KLHL8: variants seen among roughly 807,000 people sequenced by gnomAD.
KLHL8 encodes the protein kelch like family member 8, also known as kelch-like protein 8.
Under a neutral mutation model 63.5 loss-of-function variants are expected in KLHL8, and 38 were observed. The ratio of observed to expected loss-of-function variants is 0.60; its 90% CI spans 0.46 to 0.78. KLHL8 has a LOEUF of 0.78. KLHL8 is among the 30% of genes least tolerant of loss of function. KLHL8 has a pLI of 0.00. For missense variants in KLHL8, 566 were observed against 752.4 expected, an observed-to-expected ratio of 0.75 and a Z score of 2.90; for synonymous variants, 224 against 254.3, an observed-to-expected ratio of 0.88 and a Z score of 1.13.
upstream of KLHL8, among the ~76,000 whole-genome samples, chr4:87,221,920 TG>T (rs1204462498): frequency 1.3e-5 from 2 of 152,098 alleles, no homozygotes; most frequent in Admixed American, 1.3e-4. Flanking sequence ...AGTCATAAAA[TG>T]TGTCTGGAAC....
At chr4:87,207,364 TA>T (rs1732173456) in intron 1 of KLHL8, 1 of 653,962 alleles carries the variant, frequency 1.5e-6, no homozygotes, top group African/African-American at 1.8e-5. Context: ...TGACGCTGAG[TA>T]CGTTGTGGAG....
chr4:87,234,436 CAAA>C (rs35074980), intron 1 of KLHL8, among the ~76,000 whole-genome samples: 4 of 131,842 alleles, frequency 3.0e-5, no homozygotes, highest in Non-Finnish European at 3.3e-5. Context: ...GTCTCTGTCT[CAAA>C]AAAAAAAAAA....
At chr4:87,183,074 C>T (rs934877339) in intron 4 of KLHL8, 129 bp downstream of exon 4, 4 of 566,100 alleles carry the variant, frequency 7.1e-6, no homozygotes, top group African/African-American at 1.9e-5. Context: ...TATATAAAAC[C>T]GTATTTGCCA....
chr4:87,207,567 C>T (rs1351654323), intron 1 of KLHL8: 27 of 1,149,962 alleles, frequency 2.3e-5, no homozygotes, highest in Non-Finnish European at 1.3e-6. Context: ...CGCCCCTGGC[C>T]AATGTCATCC....
In KLHL8 at chr4:87,226,759, T is replaced by TTA. The variant is rs1326857571; in HGVS notation, n.58-5371_58-5370dup. ...ATTATTTATATATAATATATATTAT[T>TTA]TATATATAATATATATTATATATAT... On this transcript the variant is annotated intron_variant and non_coding_transcript_variant, in intron 1 of 1. Coordinates refer to the KLHL8 transcript ENST00000506274. 3.4e-4 allele frequency among the ~76,000 whole-genome samples: 2 copies of TTA among 5,894 alleles called. 1 individual carries two copies. The highest frequency in any genetic ancestry group is 1.6e-3 in the African/African-American group (2 of 1,220). The allele number at this position is 5,894 out of a possible 152,430, so 3.9% of individuals were successfully genotyped here.
chr4:87,167,688 T>C (rs367619221), intron 8 of KLHL8: 72 of 380,586 alleles, frequency 1.9e-4, no homozygotes, highest in African/African-American at 1.4e-3. Flanking sequence ...ACCAATGAGC[T>C]CCTGCAGATG....
Position 87,163,513 on chromosome 4 carries a change from C to T in KLHL8, c.*6G>A, listed in dbSNP as rs754112069. On this transcript the variant is annotated 3_prime_UTR_variant, in exon 10 of 10. Transcript: ENST00000273963. ...ATGACTAAATTGTTGGTGGCCAGAA[C>T]TCAAATCACATACAGTCAACCACAT... 1 of 1,613,654 alleles carries T rather than the reference C, an allele frequency of 6.2e-7. No individual in the cohort carries two copies. The highest frequency in any genetic ancestry group is 8.5e-7 in the Non-Finnish European group (1 of 1,179,860).
intron 2 of KLHL8, among the ~76,000 whole-genome samples, chr4:87,190,181 T>C (rs975992391): frequency 6.6e-6 from 1 of 152,192 alleles, no homozygotes; most frequent in South Asian, 2.1e-4. Context: ...TAGCAACTTA[T>C]GCAAGCATCT....
chr4:87,216,225 G>C (rs12640151), intron 1 of KLHL8, among the ~76,000 whole-genome samples: 24,311 of 152,148 alleles, frequency 0.16, 2,301 homozygotes, highest in South Asian at 0.24. Context: ...CTTCCAGGTA[G>C]AAGTAGCAGC....
chr4:87,168,512 G>A (rs1730492111), intron 8 of KLHL8, among the ~76,000 whole-genome samples: 1 of 151,988 alleles, frequency 6.6e-6, no homozygotes, highest in South Asian at 2.1e-4. Context: ...CTTTAATGGG[G>A]GGAGGTGATT....
chr4:87,171,702 T>A (rs910807146), intron 6 of KLHL8, among the ~76,000 whole-genome samples: 11 of 152,318 alleles, frequency 7.2e-5, no homozygotes, highest in Non-Finnish European at 1.3e-4. Context: ...TTCCTACTCC[T>A]CAAAACTCTC....
chr4:87,185,138 A>G, intron 3 of KLHL8, 113 bp downstream of exon 3: 3 of 1,037,168 alleles, frequency 2.9e-6, no homozygotes, highest in Non-Finnish European at 4.1e-6. Context: ...TATTTATTAC[A>G]TCAATAATTT....
At chr4:87,167,644 C>T (rs2149827210) in intron 8 of KLHL8, 1 of 435,484 alleles carries the variant, frequency 2.3e-6, no homozygotes, top group East Asian at 5.7e-5. Context: ...TTCCCGTGTA[C>T]AGAGGGTTCT....
intron 6 of KLHL8, among the ~76,000 whole-genome samples, chr4:87,176,541 G>A (rs897447026): frequency 3.3e-5 from 5 of 151,974 alleles, no homozygotes; most frequent in African/African-American, 1.2e-4. Flanking sequence ...TGAAAACTGT[G>A]ACTACCATAT....
intron 2 of KLHL8, among the ~76,000 whole-genome samples, chr4:87,190,739 A>G (rs1035885145): frequency 6.6e-6 from 1 of 152,130 alleles, no homozygotes; most frequent in African/African-American, 2.4e-5. Flanking sequence ...TATTTCTCAT[A>G]GTTCTTGAGA....
intron 1 of KLHL8, among the ~76,000 whole-genome samples, chr4:87,203,913 C>T (rs1560710754): frequency 6.6e-6 from 1 of 152,070 alleles, no homozygotes; most frequent in Non-Finnish European, 1.5e-5. Flanking sequence ...AAAAAATTTA[C>T]ATCCCAAATA....
chr4:87,170,871 T>C, intron 6 of KLHL8, among the ~76,000 whole-genome samples: 1 of 152,094 alleles, frequency 6.6e-6, no homozygotes, highest in Non-Finnish European at 1.5e-5. Context: ...CTCAAAACAA[T>C]AAAATATAAC....
chr4:87,162,345 T>A lies in KLHL8; in HGVS notation c.*1174A>T, dbSNP rs1179772052. Reference sequence around the variant, plus strand: ...TGTTAAATCTGTAGGTCCATCAATATCCTGGCTTCAAATCAATATGTAGAA... The same window carrying A: ...TGTTAAATCTGTAGGTCCATCAATAACCTGGCTTCAAATCAATATGTAGAA... On this transcript the variant is annotated 3_prime_UTR_variant, in exon 10 of 10. Transcript: ENST00000273963. The A allele has an allele frequency of 6.6e-6, 1 of 152,226 alleles. No individual in the cohort carries two copies. The highest frequency in any genetic ancestry group is 1.9e-4 in the East Asian group (1 of 5,206). 9.4% of individuals were successfully genotyped at this position (152,226 alleles called of 1,614,324 possible). A position where few individuals can be genotyped will look rare whatever the true frequency, so the allele number is the denominator to read the frequency against.
intron 4 of KLHL8, among the ~76,000 whole-genome samples, chr4:87,182,268 A>G (rs1436923471): frequency 6.6e-6 from 1 of 151,616 alleles, no homozygotes; most frequent in Non-Finnish European, 1.5e-5. Flanking sequence ...ACTTACATCA[A>G]CCTATAAAAA....
Sources: allele counts gnomAD v4.1 joint callset (sites outside exome capture counted in the v4.1 genomes callset), GRCh38; gene constraint gnomAD v4.1.1; transcripts MANE v1.5; gene names NCBI Gene and HGNC (gene_info 2026-07-23, HGNC 2026-07-21).